Variants in BTBD7 observed in about 807,000 individuals in gnomAD.
The protein encoded by BTBD7 is BTB domain containing 7, also known as BTB/POZ domain-containing protein 7.
A neutral mutation model predicts 99.9 loss-of-function variants in BTBD7; 38 were observed. The ratio of observed to expected loss-of-function variants is 0.38; its 90% CI spans 0.29 to 0.50. The LOEUF (loss-of-function observed/expected upper bound fraction) is 0.50. Ranked by LOEUF, BTBD7 falls within the 20% of genes least tolerant of loss-of-function variation. The pLI is 0.93. For synonymous variants in BTBD7, 520 were observed against 511.4 expected, an observed-to-expected ratio of 1.02 and a Z score of -0.23; for missense variants, 1,170 against 1,394.6, an observed-to-expected ratio of 0.84 and a Z score of 2.57.
At position 93,297,416 on chromosome 14, in the gene BTBD7, G is replaced by A. The variant is rs145148571; in HGVS notation, c.-106-1259C>T. ...CGGCTCACTTTAACCTCTGTCTCCC[G>A]GGTTCAAACAATTCTCCTGCCTCAG... is the stretch of plus-strand genomic sequence containing the variant. On this transcript the variant is annotated intron_variant, in intron 1 of 10. Transcript: ENST00000334746. Among the ~76,000 whole-genome samples the A allele has an allele frequency of 4.7e-3, 711 of 152,218 alleles. 6 individuals carry two copies. Among genetic ancestry groups the A allele is most frequent in the African/African-American group, 0.016 (678 of 41,534 alleles).
chr14:93,317,557 A>T (rs1362289517), intron 1 of BTBD7, among the ~76,000 whole-genome samples: 1 of 152,178 alleles, frequency 6.6e-6, no homozygotes, highest in African/African-American at 2.4e-5. Flanking sequence ...AAAAAAGAAC[A>T]TAACATAAAG....
chr14:93,306,753 G>A lies in BTBD7; in HGVS notation c.-106-10596C>T, dbSNP rs1029518492. 3.3e-5 allele frequency among the ~76,000 whole-genome samples: 5 copies of A among 152,244 alleles called. No homozygotes were observed. The South Asian group carries it at 1.0e-3, about 32-fold the overall frequency. On this transcript the variant is annotated intron_variant, in intron 1 of 10. Coordinates refer to ENST00000334746, the MANE Select transcript of BTBD7 (RefSeq NM_001002860.4). ...CTGCACAGCACCCAGCAAAATATGG[G>A]TGATCTCTAACCTCTCTTGAGATCT...
rs1161883541 is a variant in BTBD7, at chr14:93,263,974, A to G, written c.1182T>C (p.Ala394=). 1 of 1,614,126 alleles carries G rather than the reference A, an allele frequency of 6.2e-7. No individual in the cohort carries two copies. The highest frequency in any genetic ancestry group is 8.5e-7 in the Non-Finnish European group (1 of 1,179,958). Residue 394 remains alanine (A), a synonymous_variant, in exon 4 of 11, where the codon GCT becomes GCC. Transcript: ENST00000334746. ...TTAAGGTATCTAATGAGATGCTCTCAGCAATGATATCCTCACAGCCTAAAA... is the reference window on the plus strand; with the variant it reads ...TTAAGGTATCTAATGAGATGCTCTCGGCAATGATATCCTCACAGCCTAAAA... ...MLAQGCEDII[A]ESISLDTLIA... is the part of the protein sequence containing the mutation.
At chr14:93,285,578 G>A (rs1037631307) in intron 3 of BTBD7, among the ~76,000 whole-genome samples, 3 of 152,174 alleles carry the variant, frequency 2.0e-5, no homozygotes, top group Admixed American at 1.3e-4. Flanking sequence ...TTTATGACAA[G>A]GATGGTTAAA....
At chr14:93,248,859 T>G (rs922688910) in intron 8 of BTBD7, among the ~76,000 whole-genome samples, 1 of 152,224 alleles carries the variant, frequency 6.6e-6, no homozygotes, top group South Asian at 2.1e-4. Flanking sequence ...AAAAGGCTCT[T>G]GATCATACTG....
At chr14:93,257,101 A>T in intron 6 of BTBD7, 94 bp downstream of exon 6, 1 of 1,253,672 alleles carries the variant, frequency 8.0e-7, no homozygotes, top group Non-Finnish European at 1.1e-6. Context: ...GCTTCACAAT[A>T]CTCTATTAGT....
rs1436172318 is a variant in BTBD7 at position 93,246,115 on chromosome 14, A to C, written c.2293T>G (p.Tyr765Asp). ...HPPLPPPPPPYHPPATPIHNQ... is the reference protein window; with the variant it reads ...HPPLPPPPPPDHPPATPIHNQ... ...TGGATTGGGGTAGCTGGGGGGTGGT[A>C]GGGAGGTGGTGGAGGGGGCAAGGGT... The change falls in exon 10 of 11, where the codon TAC (tyrosine) becomes GAC (aspartate). Residue 765 changes from tyrosine (Y) to aspartate (D), a missense_variant. By Grantham distance (160) the Tyr-to-Asp change is radical (BLOSUM62 -3). Coordinates refer to ENST00000334746, the MANE Select transcript of BTBD7 (RefSeq NM_001002860.4). 9.7e-7 allele frequency: 1 copy of C among 1,025,656 alleles called. No homozygotes were observed. The allele number at this position is 1,025,656 out of a possible 1,614,324, so 63.5% of individuals were successfully genotyped here.
intron 1 of BTBD7, among the ~76,000 whole-genome samples, chr14:93,330,943 AAAC>A (rs1233387001): frequency 2.0e-5 from 3 of 152,218 alleles, no homozygotes; most frequent in Non-Finnish European, 4.4e-5. Context: ...TTGGGACACA[AAAC>A]AATACAGTAG....
chr14:93,246,395 C>A, intron 9 of BTBD7, 109 bp from the exon 10 acceptor site: 3 of 1,190,504 alleles, frequency 2.5e-6, no homozygotes, highest in Non-Finnish European at 3.4e-6. Context: ...CCACAGTCAG[C>A]AAGAATAAAA....
intron 3 of BTBD7, among the ~76,000 whole-genome samples, chr14:93,267,266 T>A (rs1427078078): frequency 6.6e-6 from 1 of 152,132 alleles, no homozygotes; most frequent in African/African-American, 2.4e-5. Context: ...GGAAAAAAAA[T>A]GGGCTTTAAA....
At chr14:93,278,288 C>T (rs148848068) in intron 3 of BTBD7, among the ~76,000 whole-genome samples, 87 of 152,276 alleles carry the variant, frequency 5.7e-4, no homozygotes, top group African/African-American at 2.0e-3. Flanking sequence ...GTGGCAGACG[C>T]CTCTAATTCC....
intron 3 of BTBD7, among the ~76,000 whole-genome samples, chr14:93,281,500 CTT>C (rs1490197522): frequency 6.6e-6 from 1 of 152,146 alleles, no homozygotes; most frequent in Admixed American, 6.5e-5. Context: ...TTCTTAAACA[CTT>C]TTAGTATTAT....
chr14:93,243,200 G>GTTT, intron 10 of BTBD7, 112 bp from the exon 11 acceptor site: 18 of 838,888 alleles, frequency 2.1e-5, no homozygotes, highest in Non-Finnish European at 2.9e-5. Context: ...TTCTGTTTTT[G>GTTT]TTTTTTTTTT....
intron 7 of BTBD7, among the ~76,000 whole-genome samples, chr14:93,253,086 G>A (rs889311450): frequency 2.6e-5 from 4 of 152,172 alleles, no homozygotes; most frequent in African/African-American, 7.2e-5. Flanking sequence ...ATAAAAATTA[G>A]ATGTTTCATT....
At chr14:93,312,269 TAG>T (rs1398084150) in intron 1 of BTBD7, among the ~76,000 whole-genome samples, 2 of 152,188 alleles carry the variant, frequency 1.3e-5, no homozygotes, top group Non-Finnish European at 2.9e-5. Flanking sequence ...ACTTTACCTA[TAG>T]AGTGGTTACA....
chr14:93,306,440 TAAAAAAA>T (rs10717168), intron 1 of BTBD7, among the ~76,000 whole-genome samples: 2 of 126,904 alleles, frequency 1.6e-5, no homozygotes, highest in Admixed American at 1.6e-4. Context: ...CATCTCTCTT[TAAAAAAA>T]AAAAAAAAAA....
At position 93,238,778 on chromosome 14, in the gene BTBD7, T is replaced by C. The variant is rs1044780; in HGVS notation, c.*3495A>G. 36,123 of 152,004 alleles carry C rather than the reference T, an allele frequency of 0.24. 4,403 individuals are homozygous for C. Among genetic ancestry groups the C allele is most frequent in the East Asian group, 0.31 (1,615 of 5,178 alleles). The allele number at this position is 152,004 out of a possible 1,614,324, so 9.4% of individuals were successfully genotyped here. A position where few individuals can be genotyped will look rare whatever the true frequency, so the allele number is the denominator to read the frequency against. On this transcript the variant is annotated 3_prime_UTR_variant, in exon 11 of 11. Transcript: ENST00000334746. Reference sequence around the variant, plus strand: ...TTTGAGCCCCACTGCCGCTGGCGCGTGTTTCCAATTTGCCTTCTGCATCGG... The same window carrying C: ...TTTGAGCCCCACTGCCGCTGGCGCGCGTTTCCAATTTGCCTTCTGCATCGG...
rs574904268 is a variant in BTBD7 at position 93,257,436 on chromosome 14, T to C, written c.1448-81A>G. 21 of 1,301,592 alleles carry C rather than the reference T, an allele frequency of 1.6e-5. No homozygotes were observed. In the South Asian group the frequency reaches 2.1e-4, roughly 13 times the overall value. 80.6% of individuals were successfully genotyped at this position (1,301,592 alleles called of 1,614,324 possible). A position where few individuals can be genotyped will look rare whatever the true frequency, so the allele number is the denominator to read the frequency against. On this transcript the variant is annotated intron_variant, in intron 5 of 10. Coordinates refer to ENST00000334746, the MANE Select transcript of BTBD7 (RefSeq NM_001002860.4). ...TTCCTTTGTTCTCTAGTACATACAC[T>C]AACAGTACCACTCTATAGACTTATG...
At chr14:93,307,031 T>A (rs865803331) in intron 1 of BTBD7, among the ~76,000 whole-genome samples, 1 of 152,224 alleles carries the variant, frequency 6.6e-6, no homozygotes, top group Non-Finnish European at 1.5e-5. Flanking sequence ...GTAGTAATCA[T>A]TATTGGAATG....
Sources: gnomAD v4.1 joint callset for allele counts (sites outside exome capture counted in the v4.1 genomes callset) on GRCh38, gnomAD v4.1.1 for gene constraint, MANE v1.5 for transcripts, NCBI Gene and HGNC (gene_info 2026-07-23, HGNC 2026-07-21) for gene names.